The following CNNM4 variants were observed in gnomAD, a reference collection of about 807,000 sequenced individuals.
CNNM4 encodes cyclin and CBS domain divalent metal cation transport mediator 4, also known as metal transporter CNNM4.
Under a neutral mutation model 53.7 loss-of-function variants are expected in CNNM4, and 32 were observed. The observed-to-expected ratio is 0.60, with a 90% CI of 0.45 to 0.80. The LOEUF (loss-of-function observed/expected upper bound fraction) is 0.80, where lower values mean the gene tolerates loss of function less well. CNNM4 is among the 30% of genes least tolerant of loss of function. The probability of loss-of-function intolerance (pLI) is 0.00; values close to 1 mark genes in which losing one functional copy is unlikely to be tolerated. For synonymous variants in CNNM4, 410 were observed against 440.0 expected (o/e 0.93, Z 0.85); for missense variants, 784 against 1,022.0 (o/e 0.77, Z 3.17).
rs1249307299 is a variant in CNNM4, at chr2:96,762,030, T to A, written c.1031T>A (p.Met344Lys). 6.2e-7 allele frequency: 1 copy of A among 1,614,098 alleles called. No homozygotes were observed. Among genetic ancestry groups the A allele is most frequent in the Admixed American group, 1.7e-5 (1 of 60,006 alleles). The change falls in exon 1 of 7, where the codon ATG (methionine) becomes AAG (lysine). Residue 344 changes from methionine to lysine, a missense_variant. Coordinates refer to ENST00000377075, the MANE Select transcript of CNNM4 (RefSeq NM_020184.4). Reference sequence around the variant, plus strand: ...TACAACCGGGAGAAGCTGATGGAGATGTTGAAGGTGACGGAGCCCTATAAT... The same window carrying A: ...TACAACCGGGAGAAGCTGATGGAGAAGTTGAAGGTGACGGAGCCCTATAAT... ...TVYNREKLME[M>K]LKVTEPYNDL...
rs542464790 is a variant in CNNM4 at position 96,763,344 on chromosome 2, C to T, written c.1402+943C>T. On this transcript the variant is annotated intron_variant, in intron 1 of 6. Coordinates refer to ENST00000377075, the MANE Select transcript of CNNM4 (RefSeq NM_020184.4). ...CTCCTTTTCTTCCAGCAAAATTTTC[C>T]TCCCATCTCTGCCATTCAGAAACCC... is the stretch of plus-strand genomic sequence containing the variant. Among the ~76,000 whole-genome samples the T allele has an allele frequency of 2.6e-5, 4 of 152,290 alleles. No individual in the cohort carries two copies. In the South Asian group the frequency reaches 8.3e-4, roughly 32 times the overall value.
chr2:96,806,531 ACACACGCGCGCGCG>A (rs960284591), intron 5 of CNNM4, among the ~76,000 whole-genome samples: 2 of 140,400 alleles, frequency 1.4e-5, no homozygotes, highest in African/African-American at 5.4e-5. Flanking sequence ...ACACACACAC[ACACACGCGCGCGCG>A]CGCGCGCGCC....
chr2:96,777,196 T>G (rs1463004482), intron 1 of CNNM4, among the ~76,000 whole-genome samples: 2 of 149,684 alleles, frequency 1.3e-5, no homozygotes, highest in African/African-American at 4.9e-5. Context: ...AATGTTTGTA[T>G]TTTTAGTAGA....
In CNNM4 at chr2:96,801,496, C is replaced by T. The variant is rs1229488305; in HGVS notation, c.1948+1848C>T. ...GAGAGAGACCACACACACACAGAGA[C>T]CACACACAGAGAGAGACCACACACA... On this transcript the variant is annotated intron_variant, in intron 5 of 6. Transcript: ENST00000377075. The surrounding 1 kb of genome is among the most constrained non-coding windows in gnomAD (Gnocchi z 5.6). Among the ~76,000 whole-genome samples, 2 of 149,680 alleles carry T rather than the reference C, an allele frequency of 1.3e-5. No individual in the cohort carries two copies. Among genetic ancestry groups the T allele is most frequent in the East Asian group, 3.9e-4 (2 of 5,098 alleles).
chr2:96,788,984 CT>C (rs11346715), intron 1 of CNNM4: 22,116 of 152,202 alleles, frequency 0.15, 2,558 homozygotes, highest in African/African-American at 0.32. Flanking sequence ...GCTGTAAAGT[CT>C]TTTTTTATGG....
rs536731467 is a variant in CNNM4 at position 96,800,653 on chromosome 2, G to A, written c.1948+1005G>A. 6.6e-6 allele frequency among the ~76,000 whole-genome samples: 1 copy of A among 152,360 alleles called. No individual in the cohort carries two copies. The highest frequency in any genetic ancestry group is 1.9e-4 in the East Asian group (1 of 5,188). The stretch of plus-strand genomic sequence containing the variant: ...TAACCCTATCAGATGCCTCAGGCCT[G>A]GGGATGACTTCCTGTGCCTCCAAGA... On this transcript the variant is annotated intron_variant, in intron 5 of 6. Coordinates refer to ENST00000377075, the MANE Select transcript of CNNM4 (RefSeq NM_020184.4). The surrounding 1 kb of genome is among the most constrained non-coding windows in gnomAD (Gnocchi z 4.6).
rs758539045 is a variant in CNNM4 at position 96,761,410 on chromosome 2, G to A, written c.411G>A (p.Lys137=). 4.9e-5 allele frequency: 79 copies of A among 1,613,990 alleles called. No homozygotes were observed. Among genetic ancestry groups the A allele is most frequent in the Non-Finnish European group, 6.6e-5 (78 of 1,180,038 alleles). Residue 137 remains lysine (K), a synonymous_variant, in exon 1 of 7, where the codon AAG becomes AAA. Coordinates refer to ENST00000377075, the MANE Select transcript of CNNM4 (RefSeq NM_020184.4). This position sits in a 1 kb window ranked among gnomAD's most constrained non-coding sequence, Gnocchi z 6.0. ...CCGGCGTGCTGGTGGTGCTCACCAA[G>A]TTCCTCCGGAGGAGCGAGAGCATGA... ...NTSGVLVVLT[K]FLRRSESMKL...
At chr2:96,805,115 A>C (rs971902908) in intron 5 of CNNM4, among the ~76,000 whole-genome samples, 4 of 152,158 alleles carry the variant, frequency 2.6e-5, no homozygotes, top group African/African-American at 9.6e-5. Flanking sequence ...TCAGATAGCT[A>C]TGTGAAGTAT....
At chr2:96,780,046 C>T (rs768496254) in intron 1 of CNNM4, among the ~76,000 whole-genome samples, 6 of 152,032 alleles carry the variant, frequency 3.9e-5, no homozygotes, top group African/African-American at 9.7e-5. Context: ...GTAATCTGCC[C>T]GTCTTGGCCT....
At chr2:96,768,326 G>T (rs187695122) in intron 1 of CNNM4, among the ~76,000 whole-genome samples, 1 of 152,066 alleles carries the variant, frequency 6.6e-6, no homozygotes, top group Non-Finnish European at 1.5e-5. Context: ...TGAAGCCTCT[G>T]TGTCAGACAC....
chr2:96,775,160 AC>A (rs529252754), intron 1 of CNNM4, among the ~76,000 whole-genome samples: 212 of 151,518 alleles, frequency 1.4e-3, no homozygotes, highest in African/African-American at 5.0e-3. Flanking sequence ...CAAAACAAAC[AC>A]CCCTAACTGC....
chr2:96,764,910 C>A (rs2153342967), intron 1 of CNNM4, among the ~76,000 whole-genome samples: 1 of 151,608 alleles, frequency 6.6e-6, no homozygotes, highest in Non-Finnish European at 1.5e-5. Context: ...TCGCTTGAAC[C>A]CGGGAGGCAG....
At position 96,761,068 on chromosome 2, in the gene CNNM4, G is replaced by A. The variant is rs1258168998; in HGVS notation, c.69G>A (p.Ala23=). The change falls in exon 1 of 7, where the codon GCG becomes GCA. Residue 23 remains alanine, a synonymous_variant. Coordinates refer to ENST00000377075, the MANE Select transcript of CNNM4 (RefSeq NM_020184.4). This position sits in a 1 kb window ranked among gnomAD's most constrained non-coding sequence, Gnocchi z 6.0. ...CCCGCGGGCGCCTCCTCCTGGCGGC[G>A]CCGGTGCTGCTGGTGCTGCTGTGGG... ...GPARGRLLLA[A]PVLLVLLWAL... is the part of the protein sequence containing the mutation. 1 of 1,276,148 alleles carries A rather than the reference G, an allele frequency of 7.8e-7. No individual in the cohort carries two copies. The highest frequency in any genetic ancestry group is 9.9e-7 in the Non-Finnish European group (1 of 1,007,386). 79.1% of individuals were successfully genotyped at this position (1,276,148 alleles called of 1,614,324 possible).
intron 1 of CNNM4, among the ~76,000 whole-genome samples, chr2:96,774,929 C>G (rs897849999): frequency 8.3e-6 from 1 of 120,028 alleles, no homozygotes; most frequent in Admixed American, 1.1e-4. Flanking sequence ...CCACTGCACT[C>G]TAGCCTGGGA....
Position 96,799,124 on chromosome 2 carries a change from T to A in CNNM4, c.1749T>A (p.Asp583Glu), listed in dbSNP as rs1401192104. The A allele has an allele frequency of 6.2e-7, 1 of 1,613,988 alleles. No homozygotes were observed. Among genetic ancestry groups the A allele is most frequent in the East Asian group, 2.2e-5 (1 of 44,892 alleles). Residue 583 changes from aspartate to glutamate, a missense_variant, in exon 4 of 7, where the codon GAT (aspartate) becomes GAA (glutamate). By Grantham distance (45) the Asp-to-Glu change is conservative (BLOSUM62 2). Transcript: ENST00000377075. Reference protein sequence around the residue: ...KILLRLLKYPDVIQELKFDEH... With the variant: ...KILLRLLKYPEVIQELKFDEH... ...TGCTGCGGCTACTCAAGTACCCAGA[T>A]GTCATTCAGGAACTCAAGTTTGACG...
At position 96,809,464 on chromosome 2, in the gene CNNM4, C is replaced by A. The variant is rs1396345606; in HGVS notation, c.2275C>A (p.Leu759Ile). Reference sequence around the variant, plus strand: ...TGTGGTGGACGAGACCACAACTCTTCTCAACGAGCGTAACTCCTTGCTGCA... The same window carrying A: ...TGTGGTGGACGAGACCACAACTCTTATCAACGAGCGTAACTCCTTGCTGCA... ...LPVVDETTTLLNERNSLLHKA... is the reference protein window; with the variant it reads ...LPVVDETTTLINERNSLLHKA... Residue 759 changes from leucine to isoleucine, a missense_variant, in exon 7 of 7, where the codon CTC becomes ATC. Coordinates refer to ENST00000377075, the MANE Select transcript of CNNM4 (RefSeq NM_020184.4). 1 of 1,614,230 alleles carries A rather than the reference C, an allele frequency of 6.2e-7. No homozygotes were observed. The highest frequency in any genetic ancestry group is 2.2e-5 in the East Asian group (1 of 44,888).
chr2:96,785,743 G>A (rs979944906), intron 1 of CNNM4, among the ~76,000 whole-genome samples: 5 of 152,112 alleles, frequency 3.3e-5, no homozygotes, highest in African/African-American at 1.2e-4. Flanking sequence ...ACTCTAGGCT[G>A]CAGTGAGCTA....
At chr2:96,781,553 G>A (rs529192729) in intron 1 of CNNM4, among the ~76,000 whole-genome samples, 1 of 152,216 alleles carries the variant, frequency 6.6e-6, no homozygotes, top group Non-Finnish European at 1.5e-5. Flanking sequence ...CATAGGATGA[G>A]GCTTTGTCGG....
In CNNM4 at chr2:96,797,605, T is replaced by G. The variant is rs201332826; in HGVS notation, c.1639T>G (p.Ser547Ala). The G allele has an allele frequency of 6.2e-7, 1 of 1,614,020 alleles. No individual in the cohort carries two copies. Among genetic ancestry groups the G allele is most frequent in the African/African-American group, 1.3e-5 (1 of 74,992 alleles). The change falls in exon 3 of 7, where the codon TCC (serine) becomes GCC (alanine). Residue 547 changes from serine (S) to alanine (A), a missense_variant. By Grantham distance (99) the Ser-to-Ala change is moderately conservative. This residue lies in a region of CNNM4 where 307 missense variants were observed against 376.3 expected (regional missense o/e 0.82). Transcript: ENST00000377075. The surrounding 1 kb of genome is among the most constrained non-coding windows in gnomAD (Gnocchi z 6.0). ...GGACAATGAGCTCAAAGTGAAAATC[T>G]CCCCGCAGCTCCTCCTGGCCGCTCA... ...DADNELKVKI[S>A]PQLLLAAHRF... is the part of the protein sequence containing the mutation.
Sources: gnomAD v4.1 joint callset for allele counts (sites outside exome capture counted in the v4.1 genomes callset) on GRCh38, gnomAD v4.1.1 for gene constraint, gnomAD v4.1.1 regional missense constraint, Gnocchi (gnomAD v3.1) non-coding constraint, MANE v1.5 for transcripts, NCBI Gene and HGNC (gene_info 2026-07-23, HGNC 2026-07-21) for gene names.